Variants in GPT2 observed in about 807,000 individuals in gnomAD.
The protein encoded by GPT2 is alanine aminotransferase 2.
In GPT2, 30 loss-of-function variants were observed where a neutral mutation model predicts 56.9. The observed-to-expected ratio is 0.53, with a 90% CI of 0.39 to 0.72. GPT2 has a LOEUF of 0.72. GPT2 is among the 30% of genes least tolerant of loss of function. GPT2 has a pLI of 0.00. For synonymous variants in GPT2, 271 were observed against 283.1 expected, an observed-to-expected ratio of 0.96 and a Z score of 0.43; for missense variants, 542 against 703.4, an observed-to-expected ratio of 0.77 and a Z score of 2.60.
At chr16:46,894,689 G>A (rs904838675) in intron 2 of GPT2, among the ~76,000 whole-genome samples, 6 of 150,872 alleles carry the variant, frequency 4.0e-5, no homozygotes, top group African/African-American at 7.3e-5. Flanking sequence ...TTTTTGAGAC[G>A]GAGTCTCGCT....
intron 2 of GPT2, among the ~76,000 whole-genome samples, chr16:46,890,149 G>A (rs1392694739): frequency 6.6e-6 from 1 of 152,130 alleles, no homozygotes; most frequent in Non-Finnish European, 1.5e-5. Flanking sequence ...CTGCAGCTCC[G>A]GTTTCTTCTG....
chr16:46,887,860 G>A (rs1429405702), intron 2 of GPT2, among the ~76,000 whole-genome samples: 3 of 152,132 alleles, frequency 2.0e-5, no homozygotes, highest in East Asian at 3.9e-4. Flanking sequence ...TGGGGAGGTC[G>A]GCTAAGGGCT....
chr16:46,906,601 TG>T (rs1960931763), intron 4 of GPT2, among the ~76,000 whole-genome samples: 1 of 151,530 alleles, frequency 6.6e-6, no homozygotes, highest in Non-Finnish European at 1.5e-5. Context: ...GGTGAGTGAG[TG>T]GATGAGTGGA....
chr16:46,921,485 T>C (rs1252032940), intron 8 of GPT2, among the ~76,000 whole-genome samples: 2 of 151,830 alleles, frequency 1.3e-5, no homozygotes, highest in Admixed American at 6.6e-5. Flanking sequence ...CCCAAAAGCA[T>C]GTTACTAAGC....
chr16:46,903,964 A>C (rs1208165662), intron 4 of GPT2, among the ~76,000 whole-genome samples: 2 of 152,232 alleles, frequency 1.3e-5, no homozygotes, highest in Non-Finnish European at 2.9e-5. Context: ...ATTCACGCTC[A>C]TGGGGAGGAT....
intron 3 of GPT2, among the ~76,000 whole-genome samples, chr16:46,898,357 G>A (rs371491413): frequency 1.2e-3 from 180 of 152,234 alleles, no homozygotes; most frequent in African/African-American, 4.0e-3. Flanking sequence ...AGGAGAAGGC[G>A]GCTTCCATGT....
intron 2 of GPT2, among the ~76,000 whole-genome samples, chr16:46,890,987 C>CCTCA (rs1960574027): frequency 6.6e-6 from 1 of 151,934 alleles, no homozygotes; most frequent in African/African-American, 2.4e-5. Flanking sequence ...AATTCTCCTG[C>CCTCA]CTCAGCCTCC....
At chr16:46,906,646 G>A (rs527551532) in intron 4 of GPT2, among the ~76,000 whole-genome samples, 196 bp from the exon 5 acceptor site, 1 of 152,268 alleles carries the variant, frequency 6.6e-6, no homozygotes, top group South Asian at 2.1e-4. Flanking sequence ...ATGGGTGGAT[G>A]GATAGAGGGG....
chr16:46,922,730 AAAG>A (rs1961316780), intron 9 of GPT2, among the ~76,000 whole-genome samples: 1 of 152,118 alleles, frequency 6.6e-6, no homozygotes, highest in African/African-American at 2.4e-5. Context: ...ATGAAACTGA[AAAG>A]AAGACGAGGA....
intron 4 of GPT2, among the ~76,000 whole-genome samples, chr16:46,902,059 G>A (rs1364495837): frequency 6.6e-6 from 1 of 152,244 alleles, no homozygotes; most frequent in Admixed American, 6.5e-5. Flanking sequence ...CAGGGGGAGG[G>A]GAATGTGCCT....
At chr16:46,899,944 G>A (rs1363236067) in intron 3 of GPT2, among the ~76,000 whole-genome samples, 1 of 152,072 alleles carries the variant, frequency 6.6e-6, no homozygotes, top group Non-Finnish European at 1.5e-5. Context: ...GGTGCACCTG[G>A]GAGGCGGGCA....
rs367891592 is a variant in GPT2, at chr16:46,922,435, G to C, written c.1212+19G>C. 6.3e-7 allele frequency: 1 copy of C among 1,584,632 alleles called. No individual in the cohort carries two copies. The highest frequency in any genetic ancestry group is 8.6e-7 in the Non-Finnish European group (1 of 1,165,194). On this transcript the variant is annotated intron_variant, in intron 9 of 11. Coordinates refer to ENST00000340124, the MANE Select transcript of GPT2 (RefSeq NM_133443.4). The stretch of plus-strand genomic sequence containing the variant: ...CAGCCGAGTGAGTCCACTGTGATGC[G>C]TCTGCACCCCTGTGGCCGGGGTCAC...
intron 6 of GPT2, among the ~76,000 whole-genome samples, chr16:46,912,801 ACACCTCC>A (rs1961070529): frequency 6.6e-6 from 1 of 152,168 alleles, no homozygotes; most frequent in Non-Finnish European, 1.5e-5. Context: ...CTTGACCCAA[ACACCTCC>A]CACTAGACCC....
intron 6 of GPT2, among the ~76,000 whole-genome samples, chr16:46,910,374 C>T (rs567592109): frequency 1.2e-5 from 1 of 82,090 alleles, no homozygotes. Context: ...GAGCGAGACT[C>T]TGTCTCAAAA....
intron 2 of GPT2, among the ~76,000 whole-genome samples, chr16:46,887,163 C>T (rs1013730161): frequency 1.3e-5 from 2 of 152,116 alleles, no homozygotes; most frequent in South Asian, 2.1e-4. Flanking sequence ...TTTGAACTGT[C>T]GTGATCAAAA....
chr16:46,917,748 A>G (rs1024266358), intron 7 of GPT2, among the ~76,000 whole-genome samples: 2 of 151,918 alleles, frequency 1.3e-5, no homozygotes, highest in Non-Finnish European at 2.9e-5. Flanking sequence ...ACAGACACAC[A>G]CAGACACACG....
At chr16:46,902,326 TC>T (rs1960834888) in intron 4 of GPT2, among the ~76,000 whole-genome samples, 1 of 152,166 alleles carries the variant, frequency 6.6e-6, no homozygotes, top group Non-Finnish European at 1.5e-5. Flanking sequence ...GTCTCTCTCA[TC>T]CTTCAGCCAG....
Position 46,900,694 on chromosome 16 carries a change from T to C in GPT2, c.346T>C (p.Cys116Arg), listed in dbSNP as rs1482103075. The change falls in exon 4 of 12, where the codon TGC (cysteine) becomes CGC (arginine). Residue 116 changes from cysteine to arginine, a missense_variant. Physicochemically the swap from Cys to Arg is radical, Grantham distance 180. Transcript: ENST00000340124. ...CTTGTTCCCCCAGGTGATGGCACTA[T>C]GCACCTACCCAAACCTGCTGGACAG... ...ITFLRQVMAL[C>R]TYPNLLDSPS... 2.5e-6 allele frequency: 4 copies of C among 1,613,696 alleles called. No individual in the cohort carries two copies. The highest frequency in any genetic ancestry group is 3.4e-6 in the Non-Finnish European group (4 of 1,179,822).
intron 2 of GPT2, among the ~76,000 whole-genome samples, chr16:46,890,884 T>G (rs1960572215): frequency 6.6e-6 from 1 of 152,204 alleles, no homozygotes; most frequent in South Asian, 2.1e-4. Context: ...TTGTTTGTTT[T>G]GTTTTTGAGA....
Sources: allele counts gnomAD v4.1 joint callset (sites outside exome capture counted in the v4.1 genomes callset), GRCh38; gene constraint gnomAD v4.1.1; transcripts MANE v1.5; gene names NCBI Gene and HGNC (gene_info 2026-07-23, HGNC 2026-07-21).